GPC5: variants seen among roughly 807,000 people sequenced by gnomAD.
GPC5 encodes the protein glypican-5.
A neutral mutation model predicts 53.9 loss-of-function variants in GPC5; 47 were observed. The ratio of observed to expected loss-of-function variants is 0.87; its 90% CI spans 0.69 to 1.11. The LOEUF (loss-of-function observed/expected upper bound fraction) is 1.11. GPC5 is among the 50% of genes most tolerant of loss of function. The pLI, the probability that GPC5 is intolerant of heterozygous loss-of-function variation, is 0.00. For synonymous variants in GPC5, 286 were observed against 263.3 expected (o/e 1.09, Z -0.84); for missense variants, 748 against 713.1 (o/e 1.05, Z -0.56).
chr13:92,526,467 G>A (rs1881286456), intron 7 of GPC5, among the ~76,000 whole-genome samples: 1 of 152,038 alleles, frequency 6.6e-6, no homozygotes, highest in Non-Finnish European at 1.5e-5. Flanking sequence ...GTGTAATGGG[G>A]TACATGAGAA....
intron 5 of GPC5, among the ~76,000 whole-genome samples, chr13:91,899,930 A>G (rs1181858245): frequency 1.3e-5 from 2 of 152,120 alleles, no homozygotes; most frequent in Non-Finnish European, 2.9e-5. Context: ...AGTTTGTGAT[A>G]ATTAGGTATG....
At chr13:91,419,183 C>G (rs1397191284) in intron 1 of GPC5, among the ~76,000 whole-genome samples, 2 of 151,968 alleles carry the variant, frequency 1.3e-5, no homozygotes, top group Non-Finnish European at 2.9e-5. Flanking sequence ...TTAATAGTTT[C>G]CAGTTAGCTA....
intron 5 of GPC5, among the ~76,000 whole-genome samples, chr13:91,824,991 GA>G (rs1330691781): frequency 6.6e-6 from 1 of 152,036 alleles, no homozygotes; most frequent in African/African-American, 2.4e-5. Context: ...ATGCAGAAAT[GA>G]AAACTAAGTT....
rs1317498933 is a variant in GPC5 at position 91,571,900 on chromosome 13, CATATTGTATATAT to C, written c.326-121285_326-121273del. Among the ~76,000 whole-genome samples the C allele has an allele frequency of 3.1e-3, 173 of 56,706 alleles. 12 individuals carry two copies. Among genetic ancestry groups the C allele is most frequent in the South Asian group, 0.026 (45 of 1,746 alleles). The allele number at this position is 56,706 out of a possible 152,430, so 37.2% of individuals were successfully genotyped here. ...ACACACATATACGTGTGTATATACA[CATATTGTATATAT>C]ACACATATTGTATATATACACACAT... On this transcript the variant is annotated intron_variant, in intron 2 of 7. Transcript: ENST00000377067.
At chr13:92,525,031 T>C (rs920271443) in intron 7 of GPC5, among the ~76,000 whole-genome samples, 2 of 152,104 alleles carry the variant, frequency 1.3e-5, no homozygotes, top group African/African-American at 4.8e-5. Context: ...AACAAGTTCA[T>C]GCATTGAATT....
intron 7 of GPC5, among the ~76,000 whole-genome samples, chr13:92,197,491 T>C (rs1215062699): frequency 1.3e-5 from 2 of 152,070 alleles, no homozygotes; most frequent in Admixed American, 6.6e-5. Flanking sequence ...AAACCACATA[T>C]ATTTTTTCCT....
At chr13:91,918,140 G>T (rs2039677793) in intron 6 of GPC5, among the ~76,000 whole-genome samples, 1 of 152,154 alleles carries the variant, frequency 6.6e-6, no homozygotes, top group Admixed American at 6.5e-5. Context: ...AGGATGGCAG[G>T]AGAGAGAATG....
At chr13:91,864,461 T>C (rs2039063052) in intron 5 of GPC5, among the ~76,000 whole-genome samples, 1 of 152,190 alleles carries the variant, frequency 6.6e-6, no homozygotes, top group African/African-American at 2.4e-5. Flanking sequence ...TTAGATGCAA[T>C]AGAACTTTGT....
At chr13:91,843,328 G>C (rs959906210) in intron 5 of GPC5, among the ~76,000 whole-genome samples, 1 of 152,166 alleles carries the variant, frequency 6.6e-6, no homozygotes, top group Non-Finnish European at 1.5e-5. Context: ...GAATATGTTG[G>C]ATGAAATATC....
chr13:92,197,927 C>T (rs1218107560), intron 7 of GPC5, among the ~76,000 whole-genome samples: 1 of 152,102 alleles, frequency 6.6e-6, no homozygotes, highest in Non-Finnish European at 1.5e-5. Flanking sequence ...AACAGTAGTA[C>T]ATTGCAGCCA....
intron 7 of GPC5, among the ~76,000 whole-genome samples, chr13:92,780,992 C>G (rs1337915492): frequency 1.3e-5 from 2 of 152,040 alleles, no homozygotes; most frequent in Non-Finnish European, 2.9e-5. Context: ...AAATCTATGG[C>G]TATTTAAAAT....
At chr13:92,580,189 T>C (rs1883327308) in intron 7 of GPC5, among the ~76,000 whole-genome samples, 1 of 152,158 alleles carries the variant, frequency 6.6e-6, no homozygotes, top group African/African-American at 2.4e-5. Flanking sequence ...CAACTAAACA[T>C]TAAAGCATAA....
chr13:92,197,254 T>C (rs1470500359), intron 7 of GPC5, among the ~76,000 whole-genome samples: 2 of 152,176 alleles, frequency 1.3e-5, no homozygotes, highest in African/African-American at 2.4e-5. Context: ...ATAAATTTTC[T>C]TACAGACTTC....
chr13:91,993,247 T>A (rs1313610746), intron 6 of GPC5, among the ~76,000 whole-genome samples: 1 of 152,206 alleles, frequency 6.6e-6, no homozygotes, highest in Non-Finnish European at 1.5e-5. Context: ...TTCCTCAGCC[T>A]TTTCAGGCCT....
intron 6 of GPC5, among the ~76,000 whole-genome samples, chr13:91,972,817 AG>A (rs2040257111): frequency 6.6e-6 from 1 of 152,110 alleles, no homozygotes. Flanking sequence ...TGGCTTGTAG[AG>A]TTTCTGCTGA....
chr13:91,543,966 G>GCTGTATA, intron 2 of GPC5, among the ~76,000 whole-genome samples: 1 of 152,000 alleles, frequency 6.6e-6, no homozygotes, highest in Non-Finnish European at 1.5e-5. Flanking sequence ...AATTTTTATT[G>GCTGTATA]TTCATCACTT....
chr13:91,516,288 G>C (rs1199521045), intron 2 of GPC5, among the ~76,000 whole-genome samples: 1 of 152,164 alleles, frequency 6.6e-6, no homozygotes, highest in Admixed American at 6.5e-5. Context: ...AAACTAGCTA[G>C]TACCTGGATA....
At chr13:92,570,308 A>G (rs1170017784) in intron 7 of GPC5, among the ~76,000 whole-genome samples, 1 of 152,130 alleles carries the variant, frequency 6.6e-6, no homozygotes, top group Non-Finnish European at 1.5e-5. Flanking sequence ...AAAAGAAAAA[A>G]TTCATCACAG....
intron 5 of GPC5, among the ~76,000 whole-genome samples, chr13:91,783,452 G>A (rs752770675): frequency 9.9e-5 from 15 of 152,024 alleles, no homozygotes; most frequent in Non-Finnish European, 1.8e-4. Flanking sequence ...TATTTATTTT[G>A]AGATGGAGTC....
Sources: allele counts gnomAD v4.1 joint callset (sites outside exome capture counted in the v4.1 genomes callset), GRCh38; gene constraint gnomAD v4.1.1; transcripts MANE v1.5; gene names NCBI Gene and HGNC (gene_info 2026-07-23, HGNC 2026-07-21).